USH2A: variants seen among roughly 807,000 people sequenced by gnomAD.
The protein encoded by USH2A is Usher syndrome 2A (autosomal recessive, mild).
Under a neutral mutation model 538.9 loss-of-function variants are expected in USH2A, and 443 were observed. That is an observed-to-expected ratio of 0.82 (90% CI 0.76 to 0.89). The LOEUF (loss-of-function observed/expected upper bound fraction) is 0.89, where lower values mean the gene tolerates loss of function less well. Ranked by LOEUF, USH2A falls within the 40% of genes least tolerant of loss-of-function variation. The pLI is 0.00. For missense variants in USH2A, 6,633 were observed against 6,324.8 expected, an observed-to-expected ratio of 1.05 and a Z score of -1.65; for synonymous variants, 2,413 against 2,273.5, an observed-to-expected ratio of 1.06 and a Z score of -1.75.
At chr1:216,312,433 A>AT (rs564703492) in intron 9 of USH2A, among the ~76,000 whole-genome samples, 160 of 151,726 alleles carry the variant, frequency 1.1e-3, no homozygotes, top group Non-Finnish European at 1.9e-3. Flanking sequence ...ATGTATTTAC[A>AT]TTTTTGGTAG....
At position 215,697,796 on chromosome 1, in the gene USH2A, C is replaced by T. The variant is rs138623324; in HGVS notation, c.12067-17420G>A. Reference sequence around the variant, plus strand: ...TCGGACTCCCAAAGTGCTGGGATTACAGGCATGATCCACCACACCCAGGCT... The same window carrying T: ...TCGGACTCCCAAAGTGCTGGGATTATAGGCATGATCCACCACACCCAGGCT... On this transcript the variant is annotated intron_variant, in intron 61 of 71. Coordinates refer to ENST00000307340, the MANE Select transcript of USH2A (RefSeq NM_206933.4). Among the ~76,000 whole-genome samples the T allele has an allele frequency of 7.4e-3, 1,128 of 152,302 alleles. 9 individuals carry two copies. Among genetic ancestry groups the T allele is most frequent in the Middle Eastern group, 0.024 (7 of 294 alleles).
chr1:216,027,354 C>A (rs887063608), intron 32 of USH2A, among the ~76,000 whole-genome samples: 6 of 152,142 alleles, frequency 3.9e-5, no homozygotes, highest in African/African-American at 1.4e-4. Flanking sequence ...GGAAACCTAA[C>A]CTATGGAAAC....
intron 18 of USH2A, 45 bp downstream of exon 18, chr1:216,198,270 G>A: frequency 6.2e-7 from 1 of 1,611,760 alleles, no homozygotes; most frequent in East Asian, 2.2e-5. Context: ...GGAAACATTT[G>A]CATTCAGAGG....
chr1:216,054,421 C>T (rs1571920686), intron 30 of USH2A, among the ~76,000 whole-genome samples: 1 of 152,224 alleles, frequency 6.6e-6, no homozygotes, highest in African/African-American at 2.4e-5. Context: ...GCTCTGCAAG[C>T]TTTTGCACCT....
intron 9 of USH2A, among the ~76,000 whole-genome samples, chr1:216,318,333 G>T (rs2037545266): frequency 1.3e-5 from 2 of 152,100 alleles, no homozygotes; most frequent in Non-Finnish European, 1.5e-5. Flanking sequence ...ATATTAAAAC[G>T]TATAATTTTA....
intron 41 of USH2A, among the ~76,000 whole-genome samples, 195 bp from the exon 42 acceptor site, chr1:215,879,293 G>A (rs184194377): frequency 1.3e-5 from 2 of 152,316 alleles, no homozygotes; most frequent in East Asian, 3.9e-4. Context: ...TAAATGAAAT[G>A]CTGTTTCCTG....
intron 64 of USH2A, 47 bp downstream of exon 64, chr1:215,670,925 C>T (rs762416126): frequency 1.2e-5 from 19 of 1,585,168 alleles, no homozygotes; most frequent in African/African-American, 2.7e-5. Context: ...CAGGTGCTGA[C>T]GGGTGCAAAC....
intron 35 of USH2A, among the ~76,000 whole-genome samples, chr1:215,972,377 G>A (rs531744214): frequency 9.9e-5 from 15 of 152,230 alleles, no homozygotes; most frequent in African/African-American, 3.6e-4. Context: ...AGCTCTGGTT[G>A]GGGCAGCGTC....
intron 11 of USH2A, among the ~76,000 whole-genome samples, chr1:216,267,065 G>A (rs1255606842): frequency 1.3e-5 from 2 of 151,998 alleles, no homozygotes; most frequent in African/African-American, 4.8e-5. Flanking sequence ...GTAGATACAG[G>A]AAAGTCCTCT....
chr1:215,801,839 T>A (rs1396346438), intron 49 of USH2A, among the ~76,000 whole-genome samples: 2 of 151,976 alleles, frequency 1.3e-5, no homozygotes, highest in African/African-American at 4.8e-5. Context: ...AAGAACAAAG[T>A]TGGAGATCTC....
At chr1:215,947,115 C>T (rs1332918386) in intron 37 of USH2A, among the ~76,000 whole-genome samples, 1 of 151,200 alleles carries the variant, frequency 6.6e-6, no homozygotes, top group Admixed American at 6.6e-5. Context: ...GATCTTGGCT[C>T]ACTGCAAACT....
chr1:215,734,949 C>T (rs1169609470), intron 60 of USH2A, among the ~76,000 whole-genome samples: 1 of 152,212 alleles, frequency 6.6e-6, no homozygotes, highest in African/African-American at 2.4e-5. Flanking sequence ...CCAACTCTTT[C>T]AACCTCTGCC....
intron 14 of USH2A, among the ~76,000 whole-genome samples, chr1:216,218,232 G>A (rs960761384): frequency 2.0e-5 from 3 of 152,060 alleles, no homozygotes; most frequent in African/African-American, 7.2e-5. Flanking sequence ...GATAACTTTA[G>A]TGCAACTTAA....
rs151049577 is a variant in USH2A at position 216,177,382 on chromosome 1, C to T, written c.4397-1900G>A. On this transcript the variant is annotated intron_variant, in intron 20 of 71. Coordinates refer to ENST00000307340, the MANE Select transcript of USH2A (RefSeq NM_206933.4). Reference sequence around the variant, plus strand: ...TTTGGTCAAAAAAGCTCCTTTTATACGCTATTTTCTATTTTTAAAGCTTAA... The same window carrying T: ...TTTGGTCAAAAAAGCTCCTTTTATATGCTATTTTCTATTTTTAAAGCTTAA... Among the ~76,000 whole-genome samples, 388 of 152,226 alleles carry T rather than the reference C, an allele frequency of 2.5e-3. 2 individuals carry two copies. The highest frequency in any genetic ancestry group is 6.8e-3 in the African/African-American group (283 of 41,546).
intron 49 of USH2A, among the ~76,000 whole-genome samples, chr1:215,811,980 G>T (rs1480525403): frequency 8.9e-6 from 1 of 112,576 alleles, no homozygotes; most frequent in Non-Finnish European, 1.8e-5. Flanking sequence ...AAACCCCTAG[G>T]GTTTTTTTTT....
chr1:215,772,624 T>TCTA (rs1220348533), intron 55 of USH2A, among the ~76,000 whole-genome samples: 2 of 152,204 alleles, frequency 1.3e-5, no homozygotes, highest in African/African-American at 4.8e-5. Context: ...AAAACCCATG[T>TCTA]CTATGAAAGT....
Position 216,384,725 on chromosome 1 carries a change from G to A in USH2A, c.652-19640C>T, listed in dbSNP as rs529001602. Reference sequence around the variant, plus strand: ...CAATCTATACACAGGAATTAAGAAGGCAGTCAGGTGAATGATTTGAGAATA... The same window carrying A: ...CAATCTATACACAGGAATTAAGAAGACAGTCAGGTGAATGATTTGAGAATA... On this transcript the variant is annotated intron_variant, in intron 3 of 71. Coordinates refer to ENST00000307340, the MANE Select transcript of USH2A (RefSeq NM_206933.4). 6.6e-5 allele frequency among the ~76,000 whole-genome samples: 10 copies of A among 152,066 alleles called. No individual in the cohort carries two copies. In the South Asian group the frequency reaches 2.1e-3, roughly 32 times the overall value.
intron 21 of USH2A, among the ~76,000 whole-genome samples, chr1:216,141,959 A>G (rs1293869041): frequency 6.6e-6 from 1 of 151,958 alleles, no homozygotes; most frequent in Admixed American, 6.6e-5. Flanking sequence ...GAAATGAAAA[A>G]AAAAAAAAAG....
rs999590072 is a variant in USH2A, at chr1:215,681,414, T to C, written c.12067-1038A>G. Among the ~76,000 whole-genome samples, 3 of 152,114 alleles carry C rather than the reference T, an allele frequency of 2.0e-5. No individual in the cohort carries two copies. In the South Asian group the frequency reaches 6.2e-4, roughly 32 times the overall value. On this transcript the variant is annotated intron_variant, in intron 61 of 71. Transcript: ENST00000307340. The stretch of plus-strand genomic sequence containing the variant: ...GGATATAAGAAATCATGAGAAAGTT[T>C]TGACTGGGTTAGTAGGATATTTACA...
Sources: gnomAD v4.1 joint callset for allele counts (sites outside exome capture counted in the v4.1 genomes callset) on GRCh38, gnomAD v4.1.1 for gene constraint, MANE v1.5 for transcripts, NCBI Gene and HGNC (gene_info 2026-07-23, HGNC 2026-07-21) for gene names.